Variants in SGK1 observed in about 807,000 individuals in gnomAD.
SGK1 encodes serum/glucocorticoid regulated kinase 1.
In SGK1, 26 loss-of-function variants were observed where a neutral mutation model predicts 64.2. The observed-to-expected ratio is 0.40, with a 90% CI of 0.30 to 0.56. SGK1 has a LOEUF of 0.56. SGK1 is among the 20% of genes least tolerant of loss of function. SGK1 has a pLI of 0.38. For missense variants in SGK1, 519 were observed against 645.6 expected, an observed-to-expected ratio of 0.80 and a Z score of 2.12; for synonymous variants, 265 against 239.7, an observed-to-expected ratio of 1.11 and a Z score of -0.98.
At chr6:134,247,175 T>C (rs576912327) in intron 2 of SGK1, among the ~76,000 whole-genome samples, 3 of 152,108 alleles carry the variant, frequency 2.0e-5, no homozygotes, top group East Asian at 3.9e-4. Context: ...CCCAATAAAG[T>C]CACCCAAGAC....
At chr6:134,226,704 A>G (rs550348558) in intron 2 of SGK1, among the ~76,000 whole-genome samples, 1 of 151,576 alleles carries the variant, frequency 6.6e-6, no homozygotes, top group African/African-American at 2.4e-5. Flanking sequence ...AAAAAAAAAA[A>G]TAAAAATAAA....
intron 2 of SGK1, among the ~76,000 whole-genome samples, chr6:134,238,853 C>A (rs1776402073): frequency 6.6e-6 from 1 of 152,138 alleles, no homozygotes; most frequent in African/African-American, 2.4e-5. Flanking sequence ...AAAGGAGATG[C>A]CATGAACTGT....
chr6:134,245,024 C>T (rs1776505738), intron 2 of SGK1, among the ~76,000 whole-genome samples: 1 of 152,242 alleles, frequency 6.6e-6, no homozygotes, highest in Admixed American at 6.5e-5. Flanking sequence ...GATCCACCCG[C>T]CTTGGCCTCC....
At chr6:134,246,513 G>A (rs569470211) in intron 2 of SGK1, among the ~76,000 whole-genome samples, 4 of 152,214 alleles carry the variant, frequency 2.6e-5, no homozygotes, top group East Asian at 1.9e-4. Context: ...GAGGACAGAA[G>A]CAGAGATAAA....
chr6:134,187,079 G>A (rs1228844289), intron 3 of SGK1, among the ~76,000 whole-genome samples: 1 of 152,114 alleles, frequency 6.6e-6, no homozygotes, highest in Non-Finnish European at 1.5e-5. Flanking sequence ...GCCTCCCAAA[G>A]TTCTGGGATT....
intron 3 of SGK1, among the ~76,000 whole-genome samples, chr6:134,197,891 TAAAATAAAATATAAA>T (rs147198382): frequency 0.48 from 67,643 of 140,666 alleles, 18,301 homozygotes; most frequent in Non-Finnish European, 0.61. Context: ...TAAAATAAAA[TAAAATAAAATATAAA>T]ATAAAATAAA....
chr6:134,205,510 C>A (rs1322633006), intron 3 of SGK1, among the ~76,000 whole-genome samples: 2 of 151,870 alleles, frequency 1.3e-5, no homozygotes, highest in East Asian at 3.9e-4. Flanking sequence ...GCCTCTGACT[C>A]CCTTTTATGA....
chr6:134,174,732 C>A (rs1204071335), intron 3 of SGK1, 146 bp from the exon 4 acceptor site: 5 of 1,614,002 alleles, frequency 3.1e-6, no homozygotes, highest in Non-Finnish European at 4.2e-6. Flanking sequence ...CTGCACTCAC[C>A]GATGAGAATT....
At position 134,172,644 on chromosome 6, in the gene SGK1, A is replaced by C. The variant is rs1306302494; in HGVS notation, c.947+18T>G. ...CCTTTATACCAAAACTGGTAGCCTG[A>C]AGAGCTCTCAGGCTTACCTATAAAC... is the stretch of plus-strand genomic sequence containing the variant. On this transcript the variant is annotated intron_variant, in intron 9 of 13. Transcript: ENST00000367858. 1 of 1,489,346 alleles carries C rather than the reference A, an allele frequency of 6.7e-7. No homozygotes were observed. Among genetic ancestry groups the C allele is most frequent in the African/African-American group, 1.4e-5 (1 of 72,648 alleles). 92.3% of individuals were successfully genotyped at this position (1,489,346 alleles called of 1,614,324 possible).
At chr6:134,225,673 C>T (rs955568843) in intron 2 of SGK1, among the ~76,000 whole-genome samples, 9 of 152,124 alleles carry the variant, frequency 5.9e-5, no homozygotes, top group Non-Finnish European at 1.2e-4. Context: ...ACTGAGTGCT[C>T]TCAGTAGTCC....
At chr6:134,221,239 G>T (rs1473599877) in intron 2 of SGK1, among the ~76,000 whole-genome samples, 1 of 152,158 alleles carries the variant, frequency 6.6e-6, no homozygotes, top group East Asian at 1.9e-4. Context: ...GGGAGGTGGA[G>T]GTTGCAGTGA....
intron 2 of SGK1, among the ~76,000 whole-genome samples, chr6:134,227,525 C>T (rs1044779676): frequency 2.0e-5 from 3 of 152,216 alleles, no homozygotes; most frequent in Non-Finnish European, 4.4e-5. Flanking sequence ...AAGTGGAGGG[C>T]ATTGCTGGAA....
intron 1 of SGK1, among the ~76,000 whole-genome samples, chr6:134,270,643 A>G (rs1008181167): frequency 7.4e-5 from 11 of 148,044 alleles, no homozygotes; most frequent in African/African-American, 2.4e-4. Flanking sequence ...CTTTCCTCTC[A>G]CCTTGACCTA....
At chr6:134,175,283 C>T (rs1562240263) in intron 3 of SGK1, among the ~76,000 whole-genome samples, 1 of 152,170 alleles carries the variant, frequency 6.6e-6, no homozygotes, top group Non-Finnish European at 1.5e-5. Flanking sequence ...CTCACTGTCC[C>T]TGCAGATACC....
chr6:134,200,846 G>A (rs1033916475), intron 3 of SGK1, among the ~76,000 whole-genome samples: 2 of 152,022 alleles, frequency 1.3e-5, no homozygotes, highest in Non-Finnish European at 2.9e-5. Flanking sequence ...TGAGGCTACA[G>A]TGAGCTGAGA....
intron 3 of SGK1, among the ~76,000 whole-genome samples, chr6:134,185,269 T>TTC (rs556725328): frequency 2.6e-4 from 39 of 152,290 alleles, no homozygotes; most frequent in African/African-American, 9.1e-4. Context: ...AGCCATGAAG[T>TTC]TCTCCATAAT....
chr6:134,252,468 C>G (rs1776619336), intron 2 of SGK1, among the ~76,000 whole-genome samples: 1 of 152,186 alleles, frequency 6.6e-6, no homozygotes, highest in East Asian at 1.9e-4. Flanking sequence ...CTGATTTTAG[C>G]TTTCAGCTAA....
intron 1 of SGK1, chr6:134,298,634 G>A (rs1777398913): frequency 1.5e-6 from 2 of 1,313,374 alleles, no homozygotes; most frequent in Non-Finnish European, 1.1e-6. Flanking sequence ...AGGAGCGGCT[G>A]CTGAAGGCCC....
At chr6:134,255,721 A>G (rs1776673374) in intron 2 of SGK1, among the ~76,000 whole-genome samples, 1 of 151,462 alleles carries the variant, frequency 6.6e-6, no homozygotes, top group Non-Finnish European at 1.5e-5. Flanking sequence ...AGTAGCTGGG[A>G]TTACAGGCGC....
Sources: gnomAD v4.1 joint callset for allele counts (sites outside exome capture counted in the v4.1 genomes callset) on GRCh38, gnomAD v4.1.1 for gene constraint, MANE v1.5 for transcripts, NCBI Gene and HGNC (gene_info 2026-07-23, HGNC 2026-07-21) for gene names.